The following IL1R1 variants were observed in gnomAD, a reference collection of about 807,000 sequenced individuals.
IL1R1 encodes interleukin 1 receptor type 1, also known as interleukin-1 receptor type 1.
Under a neutral mutation model 50.2 loss-of-function variants are expected in IL1R1, and 22 were observed. The ratio of observed to expected loss-of-function variants is 0.44; its 90% CI spans 0.31 to 0.63. The LOEUF is 0.63. Ranked by LOEUF, IL1R1 falls within the 20% of genes least tolerant of loss-of-function variation. IL1R1 has a pLI of 0.07. For synonymous variants in IL1R1, 251 were observed against 236.7 expected (o/e 1.06, Z -0.55); for missense variants, 509 against 676.2 (o/e 0.75, Z 2.74).
intron 1 of IL1R1, among the ~76,000 whole-genome samples, chr2:102,077,436 A>G (rs912100424): frequency 7.2e-5 from 11 of 152,198 alleles, no homozygotes; most frequent in African/African-American, 2.2e-4. Context: ...TGTTTTCTCA[A>G]ATCTAAGATA....
chr2:102,118,554 C>T (rs1681221022), intron 1 of IL1R1, among the ~76,000 whole-genome samples: 1 of 152,116 alleles, frequency 6.6e-6, no homozygotes, highest in African/African-American at 2.4e-5. Flanking sequence ...AAATGGGGGG[C>T]AGTCTTGTGG....
Position 102,171,742 on chromosome 2 carries a change from A to G in IL1R1, c.722-59A>G, listed in dbSNP as rs564981017. On this transcript the variant is annotated intron_variant, in intron 7 of 11. Coordinates refer to ENST00000410023, the MANE Select transcript of IL1R1 (RefSeq NM_000877.4). ...AATTTTAATTCAATAGCCATTTATTAATCTAGATAGATCAGAAAAAATCAA... is the reference window on the plus strand; with the variant it reads ...AATTTTAATTCAATAGCCATTTATTGATCTAGATAGATCAGAAAAAATCAA... 13 of 987,500 alleles carry G rather than the reference A, an allele frequency of 1.3e-5. No homozygotes were observed. In the Admixed American group the frequency reaches 2.4e-4, roughly 18 times the overall value. The allele number at this position is 987,500 out of a possible 1,614,324, so 61.2% of individuals were successfully genotyped here.
At chr2:102,111,163 G>T (rs1238061272) in intron 1 of IL1R1, among the ~76,000 whole-genome samples, 2 of 152,206 alleles carry the variant, frequency 1.3e-5, no homozygotes, top group Admixed American at 6.5e-5. Context: ...GGCTTTTATT[G>T]TGAGTTTCAG....
At chr2:102,093,922 G>C (rs1038688126) in intron 1 of IL1R1, among the ~76,000 whole-genome samples, 1 of 152,192 alleles carries the variant, frequency 6.6e-6, no homozygotes, top group Non-Finnish European at 1.5e-5. Context: ...CAGCAGTGTG[G>C]GGTCCAGCCA....
intron 7 of IL1R1, 127 bp downstream of exon 7, chr2:102,168,790 A>C (rs1357225613): frequency 4.7e-6 from 3 of 644,102 alleles, no homozygotes; most frequent in Non-Finnish European, 5.3e-6. Flanking sequence ...CAATGGAGGG[A>C]AAGTGAGACA....
chr2:102,084,779 G>T (rs573930947), intron 1 of IL1R1, among the ~76,000 whole-genome samples: 1 of 152,296 alleles, frequency 6.6e-6, no homozygotes, highest in Non-Finnish European at 1.5e-5. Flanking sequence ...TGAGTCATAA[G>T]ATATGTATTT....
At chr2:102,149,576 G>A (rs1378996209) in intron 1 of IL1R1, among the ~76,000 whole-genome samples, 1 of 152,140 alleles carries the variant, frequency 6.6e-6, no homozygotes, top group East Asian at 1.9e-4. Context: ...CAGCACCCCT[G>A]TTCTTAACCA....
intron 1 of IL1R1, among the ~76,000 whole-genome samples, chr2:102,125,017 C>T (rs1355937735): frequency 6.6e-6 from 1 of 152,234 alleles, no homozygotes; most frequent in Non-Finnish European, 1.5e-5. Flanking sequence ...TCAGGTTCCT[C>T]CCTTGACACA....
intron 1 of IL1R1, among the ~76,000 whole-genome samples, chr2:102,108,848 T>G (rs1577862871): frequency 6.6e-6 from 1 of 151,714 alleles, no homozygotes; most frequent in South Asian, 2.1e-4. Flanking sequence ...TCAAAAACTT[T>G]AAGGAGGCAT....
rs200812948 is a variant in IL1R1 at position 102,176,803 on chromosome 2, T to C, written c.*44T>C. The C allele has an allele frequency of 3.2e-6, 5 of 1,585,394 alleles. No individual in the cohort carries two copies. Among genetic ancestry groups the C allele is most frequent in the Non-Finnish European group, 3.4e-6 (4 of 1,160,410 alleles). ...AGTTCTTTAGGTGCCTCCTGTCTTA[T>C]GGCGTTGCAGGCCAGGTTATGCCTC... On this transcript the variant is annotated 3_prime_UTR_variant, in exon 12 of 12. Transcript: ENST00000410023.
chr2:102,160,757 C>A (rs529269911), intron 3 of IL1R1, among the ~76,000 whole-genome samples: 1 of 152,332 alleles, frequency 6.6e-6, no homozygotes, highest in South Asian at 2.1e-4. Context: ...CCCTGCCTTG[C>A]CTTTCCCATG....
At chr2:102,174,488 T>C (rs1225385657) in intron 9 of IL1R1, 99 bp from the exon 10 acceptor site, 42 of 832,692 alleles carry the variant, frequency 5.0e-5, no homozygotes, top group Non-Finnish European at 7.2e-5. Context: ...TTCCCAGATA[T>C]GGGCTCTCTG....
intron 1 of IL1R1, among the ~76,000 whole-genome samples, chr2:102,152,361 C>T (rs992389870): frequency 4.6e-4 from 70 of 151,396 alleles, no homozygotes; most frequent in Admixed American, 7.9e-4. Context: ...AAAAATTAGC[C>T]GGGCGTGGTG....
At chr2:102,158,224 T>C (rs909842191) in intron 3 of IL1R1, among the ~76,000 whole-genome samples, 12 of 152,256 alleles carry the variant, frequency 7.9e-5, no homozygotes, top group African/African-American at 2.9e-4. Context: ...CTTCATTTTC[T>C]CTAATCTTTT....
At chr2:102,151,392 C>T (rs987968249) in intron 1 of IL1R1, among the ~76,000 whole-genome samples, 5 of 152,164 alleles carry the variant, frequency 3.3e-5, no homozygotes, top group Non-Finnish European at 5.9e-5. Flanking sequence ...TTTTCATCCC[C>T]GTGTGTCTCA....
upstream of IL1R1, among the ~76,000 whole-genome samples, chr2:102,141,454 G>A (rs1166147274): frequency 1.3e-5 from 2 of 152,210 alleles, no homozygotes; most frequent in Non-Finnish European, 2.9e-5. Context: ...GGCCTCTGAT[G>A]TAAGCCTGCT....
Position 102,176,651 on chromosome 2 carries a change from C to T in IL1R1, c.1602C>T (p.Val534=). 1 of 1,614,182 alleles carries T rather than the reference C, an allele frequency of 6.2e-7. No individual in the cohort carries two copies. Among genetic ancestry groups the T allele is most frequent in the Non-Finnish European group, 8.5e-7 (1 of 1,180,012 alleles). The change falls in exon 12 of 12, where the codon GTC becomes GTT. Residue 534 remains valine, a synonymous_variant. Coordinates refer to ENST00000410023, the MANE Select transcript of IL1R1 (RefSeq NM_000877.4). ...CAAAGACAAGGTTCTGGAAGAATGT[C>T]AGGTACCACATGCCAGTCCAGCGAC... The part of the protein sequence containing the change: ...QSAKTRFWKN[V]RYHMPVQRRS...
intron 1 of IL1R1, among the ~76,000 whole-genome samples, chr2:102,149,611 T>G (rs910301342): frequency 6.6e-6 from 1 of 152,102 alleles, no homozygotes; most frequent in Non-Finnish European, 1.5e-5. Context: ...CTGGGATCCC[T>G]GAATTCCCTC....
chr2:102,129,841 G>C (rs1681933130), intron 1 of IL1R1, among the ~76,000 whole-genome samples: 1 of 152,090 alleles, frequency 6.6e-6, no homozygotes, highest in Non-Finnish European at 1.5e-5. Context: ...AAAACTCTCA[G>C]AACTTTAAAG....
Sources: gnomAD v4.1 joint callset for allele counts (sites outside exome capture counted in the v4.1 genomes callset) on GRCh38, gnomAD v4.1.1 for gene constraint, MANE v1.5 for transcripts, NCBI Gene and HGNC (gene_info 2026-07-23, HGNC 2026-07-21) for gene names.